MPDZ: variants seen among roughly 807,000 people sequenced by gnomAD.
The protein encoded by MPDZ is multiple PDZ domain crumbs cell polarity complex component.
Under a neutral mutation model 239.1 loss-of-function variants are expected in MPDZ, and 234 were observed. That is an observed-to-expected ratio of 0.98 (90% CI 0.88 to 1.09). MPDZ has a LOEUF of 1.09. Ranked by LOEUF, MPDZ falls within the 50% of genes least tolerant of loss-of-function variation. The pLI is 0.00. For missense variants in MPDZ, 3,175 were observed against 2,510.0 expected (o/e 1.26, Z -5.66); for synonymous variants, 1,048 against 881.3 (o/e 1.19, Z -3.35).
chr9:13,201,852 T>G (rs1372152801), intron 12 of MPDZ, among the ~76,000 whole-genome samples: 1 of 152,124 alleles, frequency 6.6e-6, no homozygotes, highest in Non-Finnish European at 1.5e-5. Flanking sequence ...CCTGGATTAT[T>G]TTTTAAATTT....
intron 38 of MPDZ, chr9:13,120,508 C>T (rs1944179810): frequency 6.6e-6 from 1 of 152,104 alleles, no homozygotes; most frequent in Non-Finnish European, 1.5e-5. Context: ...CTATAGTAGC[C>T]ATGTTACCCA....
chr9:13,106,032 T>G lies in MPDZ; in HGVS notation c.*933A>C, dbSNP rs1941417551. ...ACTAATGGCATACAACCAAAATAATTAGTAACACATTGTTCTCTGTCATTA... is the reference window on the plus strand; with the variant it reads ...ACTAATGGCATACAACCAAAATAATGAGTAACACATTGTTCTCTGTCATTA... On this transcript the variant is annotated 3_prime_UTR_variant, in exon 47 of 47. Coordinates refer to ENST00000319217, the MANE Select transcript of MPDZ (RefSeq NM_001378778.1). 1 of 152,178 alleles carries G rather than the reference T, an allele frequency of 6.6e-6. No individual in the cohort carries two copies. The highest frequency in any genetic ancestry group is 6.5e-5 in the Admixed American group (1 of 15,278). 9.4% of individuals were successfully genotyped at this position (152,178 alleles called of 1,614,324 possible). A position where few individuals can be genotyped will look rare whatever the true frequency, so the allele number is the denominator to read the frequency against.
intron 23 of MPDZ, among the ~76,000 whole-genome samples, chr9:13,161,873 A>T (rs930346505): frequency 6.6e-6 from 1 of 152,170 alleles, no homozygotes; most frequent in Non-Finnish European, 1.5e-5. Flanking sequence ...TTTGTATATC[A>T]AGTGCCTTTA....
In MPDZ at chr9:13,180,425, G is replaced by A. The variant is rs556630574; in HGVS notation, c.2649+2993C>T. On this transcript the variant is annotated intron_variant, in intron 19 of 46. Coordinates refer to ENST00000319217, the MANE Select transcript of MPDZ (RefSeq NM_001378778.1). Reference sequence around the variant, plus strand: ...CCACATTGGTAACAATATCATCACCGGACAGAGTAAGAGTATGAGTGTACA... The same window carrying A: ...CCACATTGGTAACAATATCATCACCAGACAGAGTAAGAGTATGAGTGTACA... Among the ~76,000 whole-genome samples, 50 of 152,160 alleles carry A rather than the reference G, an allele frequency of 3.3e-4. No individual in the cohort carries two copies. The South Asian group carries it at 9.3e-3, about 28-fold the overall frequency.
intron 14 of MPDZ, among the ~76,000 whole-genome samples, chr9:13,192,677 T>C (rs987337624): frequency 6.6e-6 from 1 of 152,134 alleles, no homozygotes; most frequent in Non-Finnish European, 1.5e-5. Context: ...ATATATTGTA[T>C]GCTAGTGTAC....
intron 21 of MPDZ, among the ~76,000 whole-genome samples, chr9:13,171,110 T>C (rs2133988559): frequency 6.6e-6 from 1 of 152,286 alleles, no homozygotes; most frequent in South Asian, 2.1e-4. Context: ...TAAAAAGGGA[T>C]GACATTTACT....
At chr9:13,208,726 G>C (rs1313094779) in intron 10 of MPDZ, among the ~76,000 whole-genome samples, 1 of 150,822 alleles carries the variant, frequency 6.6e-6, no homozygotes, top group East Asian at 1.9e-4. Context: ...GGAAGAAAGA[G>C]GGAAAATGAG....
chr9:13,223,648 A>C lies in MPDZ; in HGVS notation c.456T>G (p.Val152=), dbSNP rs1365430564. ...CTCTGTTTTCACTTCTTAGTCCCAC[A>C]ACACTAAACCCAAGGCCTCCAGATG... ...KPPSGGLGFS[V]VGLRSENRGE... The change falls in exon 5 of 47, where the codon GTT becomes GTG. Residue 152 remains valine, a synonymous_variant. Transcript: ENST00000319217. 4 of 1,612,238 alleles carry C rather than the reference A, an allele frequency of 2.5e-6. No homozygotes were observed. The African/African-American group carries it at 5.3e-5, about 22-fold the overall frequency.
chr9:13,217,347 A>C (rs947775997), intron 8 of MPDZ, 53 bp from the exon 9 acceptor site: 3 of 1,147,450 alleles, frequency 2.6e-6, no homozygotes, highest in African/African-American at 1.6e-5. Context: ...AAAAACAAAA[A>C]ACAAAAAACA....
At chr9:13,262,698 C>T (rs1234586504) in intron 1 of MPDZ, among the ~76,000 whole-genome samples, 1 of 151,532 alleles carries the variant, frequency 6.6e-6, no homozygotes, top group Admixed American at 6.6e-5. Flanking sequence ...CCATAGTAAA[C>T]AAAAAACACA....
chr9:13,205,690 G>A (rs1375620743), intron 11 of MPDZ, among the ~76,000 whole-genome samples: 2 of 152,106 alleles, frequency 1.3e-5, no homozygotes, highest in Admixed American at 1.3e-4. Context: ...AAAGAAATCT[G>A]CTCTATTCAG....
At chr9:13,215,381 AAT>A (rs1227572230) in intron 10 of MPDZ, among the ~76,000 whole-genome samples, 2 of 151,286 alleles carry the variant, frequency 1.3e-5, no homozygotes, top group South Asian at 2.1e-4. Flanking sequence ...TATATATAGC[AAT>A]ATGTGTCTAT....
intron 18 of MPDZ, 146 bp downstream of exon 18, chr9:13,186,124 T>G: frequency 2.4e-6 from 1 of 424,022 alleles, no homozygotes; most frequent in Non-Finnish European, 4.1e-6. Flanking sequence ...TTTTCAATTG[T>G]GAGAACTAAG....
intron 12 of MPDZ, among the ~76,000 whole-genome samples, chr9:13,198,735 C>CTGTGTGTGTGTGTGTGTGTGTG (rs1243812686): frequency 1.2e-4 from 2 of 17,094 alleles, no homozygotes; most frequent in African/African-American, 1.5e-4. Flanking sequence ...TAATCTCTCT[C>CTGTGTGTGTGTGTGTGTGTGTG]TCTGTGTGTG....
chr9:13,165,060 A>G lies in MPDZ; in HGVS notation c.3255-2265T>C, dbSNP rs530139850. On this transcript the variant is annotated intron_variant, in intron 22 of 46. Transcript: ENST00000319217. ...ATGCTGAAATGTGATATGGCTATTAATGCAGAGACTATTCCTGCACGTGCA... is the reference window on the plus strand; with the variant it reads ...ATGCTGAAATGTGATATGGCTATTAGTGCAGAGACTATTCCTGCACGTGCA... Among the ~76,000 whole-genome samples the G allele has an allele frequency of 9.8e-5, 15 of 152,304 alleles. No homozygotes were observed. In the East Asian group the frequency reaches 2.7e-3, roughly 27 times the overall value.
Position 13,138,012 on chromosome 9 carries a change from G to A in MPDZ, c.4145C>T (p.Pro1382Leu), listed in dbSNP as rs145892665. The A allele has an allele frequency of 2.0e-5, 33 of 1,613,752 alleles. No individual in the cohort carries two copies. The East Asian group carries it at 5.1e-4, about 25-fold the overall frequency. The change falls in exon 29 of 47, where the codon CCA (proline) becomes CTA (leucine). Residue 1382 changes from proline (P) to leucine (L), a missense_variant. Transcript: ENST00000319217. Reference sequence around the variant, plus strand: ...ACCATCTTTTCCTGCAGCTCCATTTGGATCAATCCCCACTATGAAGACACT... The same window carrying A: ...ACCATCTTTTCCTGCAGCTCCATTTAGATCAATCCCCACTATGAAGACACT... Reference protein sequence around the residue: ...RMSVFIVGIDPNGAAGKDGRL... With the variant: ...RMSVFIVGIDLNGAAGKDGRL...
chr9:13,217,500 G>C (rs1461482741), intron 8 of MPDZ, among the ~76,000 whole-genome samples: 1 of 151,808 alleles, frequency 6.6e-6, no homozygotes, highest in Non-Finnish European at 1.5e-5. Flanking sequence ...AGGGATATCA[G>C]GCAGGAATAA....
chr9:13,257,815 T>C (rs1399464618), intron 1 of MPDZ, among the ~76,000 whole-genome samples: 2 of 152,246 alleles, frequency 1.3e-5, no homozygotes, highest in Admixed American at 6.5e-5. Flanking sequence ...AATAATTTTT[T>C]AGTGTATGTC....
chr9:13,158,123 T>A lies in MPDZ; in HGVS notation c.3360-13A>T. On this transcript the variant is annotated splice_polypyrimidine_tract_variant and intron_variant, in intron 23 of 46. Transcript: ENST00000319217. The stretch of plus-strand genomic sequence containing the variant: ...TTCTGGAATGTCTCTGGTTAAAGAA[T>A]TACACAATGAGTACCCCAAAATCCT... The A allele has an allele frequency of 6.2e-7, 1 of 1,606,188 alleles. No individual in the cohort carries two copies.
Sources: gnomAD v4.1 joint callset for allele counts (sites outside exome capture counted in the v4.1 genomes callset) on GRCh38, gnomAD v4.1.1 for gene constraint, MANE v1.5 for transcripts, NCBI Gene and HGNC (gene_info 2026-07-23, HGNC 2026-07-21) for gene names.